CDC123: variants seen among roughly 807,000 people sequenced by gnomAD.
The protein encoded by CDC123 is translation initiation factor eIF2 assembly protein.
CDC123 carries 37 observed loss-of-function variants against 54.4 expected under a neutral mutation model. The observed-to-expected ratio is 0.68, with a 90% CI of 0.52 to 0.89. The LOEUF is 0.89. Among genes scored for constraint, CDC123 ranks in the 40% least tolerant of loss-of-function variants. The pLI, the probability that CDC123 is intolerant of heterozygous loss-of-function variation, is 0.00. For missense variants in CDC123, 361 were observed against 412.1 expected, an observed-to-expected ratio of 0.88 and a Z score of 1.07; for synonymous variants, 144 against 136.8, an observed-to-expected ratio of 1.05 and a Z score of -0.37.
chr10:12,243,644 C>T (rs1470772846), intron 10 of CDC123, among the ~76,000 whole-genome samples: 1 of 151,742 alleles, frequency 6.6e-6, no homozygotes, highest in Admixed American at 6.6e-5. Context: ...ATTAGCTGGG[C>T]GTGATGGCGG....
At position 12,215,801 on chromosome 10, in the gene CDC123, G is replaced by C; in HGVS notation, c.299G>C (p.Ser100Thr). The C allele has an allele frequency of 6.2e-7, 1 of 1,612,152 alleles. No homozygotes were observed. Among genetic ancestry groups the C allele is most frequent in the South Asian group, 1.1e-5 (1 of 90,664 alleles). ...GAAGCTATCAATTCCCTCGGGGGCA[G>C]TGTCTTTCCTAAGCTTAATTGGAGT... ...VQEAINSLGG[S>T]VFPKLNWSAP... The change falls in exon 5 of 13, where the codon AGT (serine) becomes ACT (threonine). Residue 100 changes from serine to threonine, a missense_variant. Coordinates refer to ENST00000281141, the MANE Select transcript of CDC123 (RefSeq NM_006023.3).
intron 9 of CDC123, 137 bp downstream of exon 9, chr10:12,237,403 A>G: frequency 1.6e-6 from 1 of 636,570 alleles, no homozygotes; most frequent in Non-Finnish European, 2.3e-6. Flanking sequence ...ATTATTTGTT[A>G]TTTTTGATAG....
At position 12,240,026 on chromosome 10, in the gene CDC123, ATT is replaced by A. The variant is rs1422906586; in HGVS notation, c.717+1542_717+1543del. The stretch of plus-strand genomic sequence containing the variant: ...CCGTCTCAAAAAAAAAAAAAAAAAA[ATT>A]ATTATTATTATTTTTAGTCAACTAA... On this transcript the variant is annotated intron_variant, in intron 10 of 12. Coordinates refer to ENST00000281141, the MANE Select transcript of CDC123 (RefSeq NM_006023.3). 5.1e-3 allele frequency among the ~76,000 whole-genome samples: 746 copies of A among 146,876 alleles called. 7 individuals carry two copies. Among genetic ancestry groups the A allele is most frequent in the African/African-American group, 0.018 (719 of 40,238 alleles).
chr10:12,220,035 G>A lies in CDC123; in HGVS notation c.440+2568G>A, dbSNP rs192204018. On this transcript the variant is annotated intron_variant, in intron 6 of 12. Coordinates refer to ENST00000281141, the MANE Select transcript of CDC123 (RefSeq NM_006023.3). ...TTTAGTAGAGAAGCGGATTCACCTTGTTGGTCAGGCTGGTCTTGAACTCCT... is the reference window on the plus strand; with the variant it reads ...TTTAGTAGAGAAGCGGATTCACCTTATTGGTCAGGCTGGTCTTGAACTCCT... Among the ~76,000 whole-genome samples, 91 of 152,282 alleles carry A rather than the reference G, an allele frequency of 6.0e-4. 1 individual carries two copies. The highest frequency in any genetic ancestry group is 2.1e-3 in the African/African-American group (87 of 41,580).
rs1416089174 is a variant in CDC123, at chr10:12,235,097, G to A, written c.539G>A (p.Cys180Tyr). The change falls in exon 8 of 13, where the codon TGT becomes TAT. Residue 180 changes from cysteine (C) to tyrosine (Y), a missense_variant. Cys to Tyr is a radical substitution (Grantham distance 194). Coordinates refer to ENST00000281141, the MANE Select transcript of CDC123 (RefSeq NM_006023.3). ...CELIPGAEFR[C>Y]FVKENKLIGI... The stretch of plus-strand genomic sequence containing the variant: ...TTGATTCCTGGGGCTGAGTTTCGAT[G>A]TTTTGTCAAGGAAAACAAGCTTATT... 3.1e-6 allele frequency: 5 copies of A among 1,613,742 alleles called. No homozygotes were observed. In the Admixed American group the frequency reaches 8.3e-5, roughly 27 times the overall value.
chr10:12,242,105 A>G (rs1409767714), intron 10 of CDC123, among the ~76,000 whole-genome samples: 3 of 152,204 alleles, frequency 2.0e-5, no homozygotes, highest in African/African-American at 7.2e-5. Context: ...GTATTTCAGG[A>G]GCCCTCACAT....
chr10:12,245,331 CA>C (rs1836117669), intron 10 of CDC123: 1 of 152,108 alleles, frequency 6.6e-6, no homozygotes. Context: ...TCACGGCTCA[CA>C]GTAGCCTTGA....
chr10:12,241,996 G>C (rs1023225936), intron 10 of CDC123, among the ~76,000 whole-genome samples: 1 of 152,118 alleles, frequency 6.6e-6, no homozygotes, highest in Non-Finnish European at 1.5e-5. Context: ...GGGATTTCCC[G>C]GTCTTTCTCA....
At chr10:12,244,442 G>A (rs1051756153) in intron 10 of CDC123, among the ~76,000 whole-genome samples, 1 of 152,148 alleles carries the variant, frequency 6.6e-6, no homozygotes, top group African/African-American at 2.4e-5. Flanking sequence ...CATTCCTGGC[G>A]GCGCAGCCCC....
Position 12,246,228 on chromosome 10 carries a change from C to G in CDC123, c.797C>G (p.Ser266Cys). The change falls in exon 11 of 13, where the codon TCT (serine) becomes TGT (cysteine). Residue 266 changes from serine (S) to cysteine (C), a missense_variant. Physicochemically the swap from Ser to Cys is moderately radical, Grantham distance 112 (BLOSUM62 -1). Transcript: ENST00000281141. ...CTGTTCACCTGGGAAGAACTGATAT[C>G]TGAGAACAACTTAAACGGCGATTTT... ...SLLFTWEELISENNLNGDFSE... is the reference protein window; with the variant it reads ...SLLFTWEELICENNLNGDFSE... 1 of 1,614,140 alleles carries G rather than the reference C, an allele frequency of 6.2e-7. No homozygotes were observed. Among genetic ancestry groups the G allele is most frequent in the Non-Finnish European group, 8.5e-7 (1 of 1,180,006 alleles).
At chr10:12,197,579 G>A (rs1050032760) in intron 1 of CDC123, among the ~76,000 whole-genome samples, 6 of 151,646 alleles carry the variant, frequency 4.0e-5, no homozygotes, top group Admixed American at 6.6e-5. Context: ...GGTTTTCACC[G>A]TGTTAGCCAG....
chr10:12,230,798 C>A, intron 6 of CDC123, 150 bp from the exon 7 acceptor site: 1 of 706,268 alleles, frequency 1.4e-6, no homozygotes, highest in Admixed American at 2.7e-5. Context: ...TTGAATACGG[C>A]TCAGTAAGTG....
chr10:12,197,041 T>C (rs1157932020), intron 1 of CDC123, among the ~76,000 whole-genome samples: 3 of 152,206 alleles, frequency 2.0e-5, no homozygotes, highest in African/African-American at 7.2e-5. Flanking sequence ...TCAATAAAGA[T>C]CGGATATGTA....
At chr10:12,221,294 G>A (rs1235516679) in intron 6 of CDC123, among the ~76,000 whole-genome samples, 1 of 132,952 alleles carries the variant, frequency 7.5e-6, no homozygotes, top group Non-Finnish European at 1.6e-5. Context: ...GGCTCTTTCA[G>A]GCCCTTTCCT....
chr10:12,198,961 C>T (rs1254133981), intron 2 of CDC123, 185 bp downstream of exon 2: 3 of 477,962 alleles, frequency 6.3e-6, no homozygotes, highest in East Asian at 3.8e-5. Flanking sequence ...AAGTACTTTT[C>T]CCTCTAATAA....
Position 12,230,982 on chromosome 10 carries a change from T to C in CDC123, c.475T>C (p.Cys159Arg). 14 of 1,611,096 alleles carry C rather than the reference T, an allele frequency of 8.7e-6. No individual in the cohort carries two copies. Among genetic ancestry groups the C allele is most frequent in the Non-Finnish European group, 1.2e-5 (14 of 1,178,782 alleles). Residue 159 changes from cysteine to arginine, a missense_variant, in exon 7 of 13, where the codon TGT becomes CGT. Cys to Arg is a radical substitution (Grantham distance 180). Coordinates refer to ENST00000281141, the MANE Select transcript of CDC123 (RefSeq NM_006023.3). ...IHCTDDSPDP[C>R]IEYELVLRKW... ...TTGTACTGATGATTCTCCAGATCCA[T>C]GTATAGAATATGAGGTAAGAAGCTT...
At chr10:12,242,312 A>T (rs974620530) in intron 10 of CDC123, among the ~76,000 whole-genome samples, 1 of 152,190 alleles carries the variant, frequency 6.6e-6, no homozygotes, top group African/African-American at 2.4e-5. Context: ...ACATGTAGGC[A>T]GGCTCTCCTG....
intron 10 of CDC123, chr10:12,245,314 G>A (rs1836117307): frequency 6.6e-6 from 1 of 151,976 alleles, no homozygotes; most frequent in African/African-American, 2.4e-5. Context: ...GGAGTGTGGT[G>A]TTTTGATCAC....
At chr10:12,240,139 T>C (rs1178871690) in intron 10 of CDC123, among the ~76,000 whole-genome samples, 4 of 152,198 alleles carry the variant, frequency 2.6e-5, no homozygotes, top group African/African-American at 4.8e-5. Context: ...TGAAAACTTC[T>C]GTAAGGAAAA....
Sources: gnomAD v4.1 joint callset for allele counts (sites outside exome capture counted in the v4.1 genomes callset) on GRCh38, gnomAD v4.1.1 for gene constraint, MANE v1.5 for transcripts, NCBI Gene and HGNC (gene_info 2026-07-23, HGNC 2026-07-21) for gene names.